The following TRPC5 variants were observed in gnomAD, a reference collection of about 807,000 sequenced individuals.
TRPC5 encodes transient receptor potential cation channel subfamily C member 5.
A neutral mutation model predicts 56.5 loss-of-function variants in TRPC5; 9 were observed. The ratio of observed to expected loss-of-function variants is 0.16; its 90% CI spans 0.10 to 0.28. The LOEUF is 0.28. Ranked by LOEUF, TRPC5 falls within the 10% of genes least tolerant of loss-of-function variation. The pLI is 1.00. For synonymous variants in TRPC5, 282 were observed against 278.5 expected (o/e 1.01, Z -0.13); for missense variants, 469 against 748.9 (o/e 0.63, Z 4.36).
chrX:111,886,166 G>C (rs903567978), intron 3 of TRPC5, among the ~76,000 whole-genome samples: 2 of 111,754 alleles, frequency 1.8e-5, no homozygotes, highest in African/African-American at 6.5e-5. Flanking sequence ...TGTAATCCCA[G>C]CTACTCAGGA....
intron 1 of TRPC5, among the ~76,000 whole-genome samples, chrX:111,958,251 C>A (rs1423170816): frequency 8.9e-6 from 1 of 111,871 alleles, no homozygotes; most frequent in Admixed American, 9.5e-5. Flanking sequence ...GCTTTCAAGC[C>A]CCACACATGT....
intron 5 of TRPC5, among the ~76,000 whole-genome samples, chrX:111,850,372 G>A (rs3027705): frequency 1.9e-3 from 216 of 111,615 alleles, no homozygotes; most frequent in African/African-American, 6.7e-3. Context: ...ATAAAATAAA[G>A]GATCTTTAAA....
intron 1 of TRPC5, among the ~76,000 whole-genome samples, chrX:112,077,513 A>G (rs867686060): frequency 9.8e-5 from 11 of 111,708 alleles, no homozygotes; most frequent in African/African-American, 2.9e-4. Flanking sequence ...ATTCTTATTC[A>G]GTCGGTCTGG....
At chrX:112,009,024 T>C (rs1928921919) in intron 1 of TRPC5, among the ~76,000 whole-genome samples, 1 of 111,484 alleles carries the variant, frequency 9.0e-6, no homozygotes. Context: ...TGCTTTAATG[T>C]TGCTTTGTTT....
intron 7 of TRPC5, among the ~76,000 whole-genome samples, chrX:111,800,457 C>G (rs1921268487): frequency 9.0e-6 from 1 of 111,199 alleles, no homozygotes; most frequent in Non-Finnish European, 1.9e-5. Context: ...TAGTGACGCT[C>G]TGTCTCTACT....
intron 1 of TRPC5, among the ~76,000 whole-genome samples, chrX:112,060,947 T>A (rs774826373): frequency 8.9e-6 from 1 of 112,359 alleles, no homozygotes. Context: ...TAGATGAAAA[T>A]GCCTCCTGGC....
At chrX:112,063,764 G>A (rs1273032653) in intron 1 of TRPC5, among the ~76,000 whole-genome samples, 1 of 112,130 alleles carries the variant, frequency 8.9e-6, no homozygotes, top group Non-Finnish European at 1.9e-5. Context: ...GCATTTTTAA[G>A]TGCTTACTTA....
At chrX:112,075,710 TG>T (rs1341974796) in intron 1 of TRPC5, among the ~76,000 whole-genome samples, 1 of 111,776 alleles carries the variant, frequency 8.9e-6, no homozygotes, top group Non-Finnish European at 1.9e-5. Context: ...AGACAGGAGT[TG>T]GCCAGCTGAG....
chrX:111,829,233 A>C (rs906205926), intron 7 of TRPC5, among the ~76,000 whole-genome samples: 2 of 103,942 alleles, frequency 1.9e-5, no homozygotes, highest in Non-Finnish European at 3.9e-5. Flanking sequence ...ACCCAGGAGG[A>C]AGAGGTTGCA....
intron 1 of TRPC5, among the ~76,000 whole-genome samples, chrX:112,014,831 G>C (rs748739814): frequency 3.3e-4 from 37 of 111,220 alleles, no homozygotes; most frequent in African/African-American, 1.2e-3. Context: ...TCTCAGTCCT[G>C]GTTGCACATT....
intron 5 of TRPC5, among the ~76,000 whole-genome samples, chrX:111,851,277 A>T (rs1478738031): frequency 1.8e-5 from 2 of 111,974 alleles, no homozygotes; most frequent in African/African-American, 3.2e-5. Context: ...AAAAGTCCTT[A>T]ATGTGGAATT....
At chrX:111,993,229 A>T (rs1180199387) in intron 1 of TRPC5, among the ~76,000 whole-genome samples, 2 of 110,753 alleles carry the variant, frequency 1.8e-5, no homozygotes, top group Admixed American at 1.9e-4. Flanking sequence ...AAGGACATGA[A>T]CTCATCCTTC....
chrX:112,003,766 C>G (rs191359995), intron 1 of TRPC5, among the ~76,000 whole-genome samples: 2 of 111,053 alleles, frequency 1.8e-5, no homozygotes, highest in East Asian at 5.7e-4. Context: ...ATTCTACAAG[C>G]AAGAGGGGAG....
At chrX:111,781,889 C>A in intron 8 of TRPC5, 46 bp downstream of exon 8, 4 of 1,080,874 alleles carry the variant, frequency 3.7e-6, no homozygotes, top group Non-Finnish European at 5.0e-6. Flanking sequence ...GAGTGAGACT[C>A]CATCTCAATT....
intron 3 of TRPC5, chrX:111,902,200 C>T: frequency 9.6e-7 from 1 of 1,045,450 alleles, no homozygotes; most frequent in Non-Finnish European, 1.3e-6. Context: ...CAATTTCTGC[C>T]CCCGTCCCCA....
At chrX:111,828,833 G>A (rs757020663) in intron 7 of TRPC5, among the ~76,000 whole-genome samples, 1 of 112,190 alleles carries the variant, frequency 8.9e-6, no homozygotes, top group Non-Finnish European at 1.9e-5. Flanking sequence ...CCAGGCTGAG[G>A]TGAGGAACTT....
chrX:111,806,387 C>T (rs1326022960), intron 7 of TRPC5, among the ~76,000 whole-genome samples: 1 of 111,948 alleles, frequency 8.9e-6, no homozygotes, highest in African/African-American at 3.2e-5. Context: ...GGATTTTCTT[C>T]CAAATTCACT....
intron 1 of TRPC5, among the ~76,000 whole-genome samples, chrX:111,968,383 T>G (rs1927669191): frequency 9.0e-6 from 1 of 111,731 alleles, no homozygotes; most frequent in African/African-American, 3.3e-5. Context: ...GGTGGGACTG[T>G]AAACTAGTTC....
intron 5 of TRPC5, 30 bp from the exon 6 acceptor site, chrX:111,847,466 GGGGT>G: frequency 4.3e-6 from 5 of 1,154,528 alleles, no homozygotes; most frequent in Non-Finnish European, 5.8e-6. Flanking sequence ...CACAAGATGA[GGGGT>G]ACAGTGAACA....
Sources: allele counts gnomAD v4.1 joint callset (sites outside exome capture counted in the v4.1 genomes callset), GRCh38; gene constraint gnomAD v4.1.1; transcripts MANE v1.5; gene names NCBI Gene and HGNC (gene_info 2026-07-23, HGNC 2026-07-21).